SCNN1D: variants seen among roughly 807,000 people sequenced by gnomAD.
SCNN1D encodes the protein sodium channel epithelial 1 subunit delta.
Under a neutral mutation model 87.8 loss-of-function variants are expected in SCNN1D, and 104 were observed. The observed-to-expected ratio is 1.18, with a 90% CI of 1.01 to 1.39. SCNN1D has a LOEUF of 1.39. SCNN1D is among the 40% of genes most tolerant of loss of function. SCNN1D has a pLI of 0.00. For missense variants in SCNN1D, 1,324 were observed against 1,093.9 expected (o/e 1.21, Z -2.97); for synonymous variants, 628 against 481.2 (o/e 1.31, Z -3.99).
At chr1:1,288,097 G>C in intron 12 of SCNN1D, 60 bp downstream of exon 12, 1 of 1,203,258 alleles carries the variant, frequency 8.3e-7, no homozygotes, top group South Asian at 1.5e-5. Flanking sequence ...CAGGGGGTGT[G>C]GGCGGGTGGA....
rs1640816045 is a variant in SCNN1D, at chr1:1,291,480, G to A, written c.2279G>A (p.Gly760Asp). The change falls in exon 18 of 18, where the codon GGC becomes GAC. Residue 760 changes from glycine (G) to aspartate (D), a missense_variant. By Grantham distance (94) the Gly-to-Asp change is moderately conservative (BLOSUM62 -1). Coordinates refer to ENST00000379116, the MANE Select transcript of SCNN1D (RefSeq NM_001130413.4). ...PEASQMPPPA[G>D]GTSDDPEPSG... Reference sequence around the variant, plus strand: ...GCCAGTCAGATGCCCCCGCCTGCAGGCGGCACGTCAGATGACCCGGAGCCC... The same window carrying A: ...GCCAGTCAGATGCCCCCGCCTGCAGACGGCACGTCAGATGACCCGGAGCCC... 6.2e-7 allele frequency: 1 copy of A among 1,609,228 alleles called. No individual in the cohort carries two copies. Among genetic ancestry groups the A allele is most frequent in the African/African-American group, 1.3e-5 (1 of 74,992 alleles).
rs1570602264 is a variant in SCNN1D, at chr1:1,284,092, T to G, written c.464+2T>G. ...ACACGGGGGGGCTCTCACCTCCAGG[T>G]ACCGTGGGGGGGGGTGAGGGGGGTG... On this transcript the variant is annotated splice_donor_variant, in intron 5 of 17. Transcript: ENST00000379116. LOFTEE classifies it high-confidence loss of function. The G allele has an allele frequency of 3.0e-6, 1 of 328,370 alleles. No homozygotes were observed. The highest frequency in any genetic ancestry group is 1.6e-4 in the African/African-American group (1 of 6,218). 20.3% of individuals were successfully genotyped at this position (328,370 alleles called of 1,614,324 possible).
intron 3 of SCNN1D, 180 bp downstream of exon 3, chr1:1,281,790 C>T (rs1640476317): frequency 1.6e-6 from 1 of 620,510 alleles, no homozygotes; most frequent in South Asian, 2.0e-5. Context: ...GGGGGCCTTG[C>T]TCCTGCAAGC....
At chr1:1,281,087 T>C in intron 1 of SCNN1D, 139 bp from the exon 2 acceptor site, 1 of 806,476 alleles carries the variant, frequency 1.2e-6, no homozygotes, top group East Asian at 2.7e-5. Context: ...GGGCTGCCTG[T>C]CTATTGCACC....
At position 1,291,443 on chromosome 1, in the gene SCNN1D, A is replaced by G; in HGVS notation, c.2242A>G (p.Ile748Val). ...RASPASGASS[I>V]KPEASQMPPP... Reference sequence around the variant, plus strand: ...CAGCCCTGCCTCAGGGGCGTCCAGCATCAAGCCAGAGGCCAGTCAGATGCC... The same window carrying G: ...CAGCCCTGCCTCAGGGGCGTCCAGCGTCAAGCCAGAGGCCAGTCAGATGCC... The change falls in exon 18 of 18, where the codon ATC becomes GTC. Residue 748 changes from isoleucine to valine, a missense_variant. Coordinates refer to ENST00000379116, the MANE Select transcript of SCNN1D (RefSeq NM_001130413.4). 1 of 1,608,032 alleles carries G rather than the reference A, an allele frequency of 6.2e-7. No homozygotes were observed. Among genetic ancestry groups the G allele is most frequent in the Non-Finnish European group, 8.5e-7 (1 of 1,177,532 alleles).
intron 12 of SCNN1D, among the ~76,000 whole-genome samples, chr1:1,288,515 G>A (rs1295307529): frequency 1.1e-5 from 1 of 88,490 alleles, no homozygotes; most frequent in Non-Finnish European, 2.0e-5. Context: ...GCCCCGTCCC[G>A]TGTCCCTGCT....
intron 5 of SCNN1D, among the ~76,000 whole-genome samples, chr1:1,284,607 G>C (rs1180191140): frequency 6.6e-6 from 1 of 151,648 alleles, no homozygotes; most frequent in African/African-American, 2.4e-5. Flanking sequence ...GACCACGGGG[G>C]GTGCCGAGCG....
At chr1:1,282,019 C>T in intron 3 of SCNN1D, 1 of 593,140 alleles carries the variant, frequency 1.7e-6, no homozygotes, top group Non-Finnish European at 3.1e-6. Flanking sequence ...AGGTGCGGCC[C>T]ACGCACAAAG....
At chr1:1,281,170 TGG>T (rs57961296) in intron 1 of SCNN1D, 54 bp from the exon 2 acceptor site, 132,859 of 1,497,192 alleles carry the variant, frequency 0.089, 20,340 homozygotes, top group East Asian at 0.62. Flanking sequence ...AACGGGGCTC[TGG>T]GATAGGAGGT....
chr1:1,288,460 C>T (rs1482167043), intron 12 of SCNN1D, among the ~76,000 whole-genome samples: 1 of 81,106 alleles, frequency 1.2e-5, no homozygotes. Flanking sequence ...CTCCGTCCCC[C>T]GTGTCTCTGC....
Position 1,287,834 on chromosome 1 carries a change from G to C in SCNN1D, c.1561G>C (p.Glu521Gln), listed in dbSNP as rs1211674470. The change falls in exon 11 of 18, where the codon GAG becomes CAG. Residue 521 changes from glutamate (E) to glutamine (Q), a missense_variant and splice_region_variant. Physicochemically the swap from Glu to Gln is conservative, Grantham distance 29. Transcript: ENST00000379116. ...PGTEATISIREDEVHRLGSPY... is the reference protein window; with the variant it reads ...PGTEATISIRQDEVHRLGSPY... ...GACGGAGGCCACCATCAGCATCCGAGAGGTGAGCTGGCCTCTGCAGCCAAC... is the reference window on the plus strand; with the variant it reads ...GACGGAGGCCACCATCAGCATCCGACAGGTGAGCTGGCCTCTGCAGCCAAC... 8 of 1,543,780 alleles carry C rather than the reference G, an allele frequency of 5.2e-6. No individual in the cohort carries two copies. In the African/African-American group the frequency reaches 8.2e-5, roughly 16 times the overall value.
In SCNN1D at chr1:1,287,513, TC is replaced by T; in HGVS notation, c.1318del (p.Arg440GlyfsTer125). On this transcript the variant is annotated frameshift_variant, in exon 10 of 18. Transcript: ENST00000379116. LOFTEE classifies it high-confidence loss of function. ...YDGLDCQARQFRTFHHPTYGS... is the reference protein window; with the variant it reads ...YDGLDCQARQXRTFHHPTYGS... ...AGCTTGGCTTCTCATTCCAGACAGT[TC>T]CGGACCTTCCACCACCCCACCTACG... 6.5e-7 allele frequency: 1 copy of T among 1,527,974 alleles called. No individual in the cohort carries two copies. Among genetic ancestry groups the T allele is most frequent in the Admixed American group, 2.0e-5 (1 of 48,782 alleles). 94.7% of individuals were successfully genotyped at this position (1,527,974 alleles called of 1,614,324 possible). A position where few individuals can be genotyped will look rare whatever the true frequency, so the allele number is the denominator to read the frequency against.
intron 4 of SCNN1D, among the ~76,000 whole-genome samples, chr1:1,283,457 G>A (rs905098494): frequency 6.6e-6 from 1 of 152,036 alleles, no homozygotes; most frequent in African/African-American, 2.4e-5. Context: ...CTAGCACTTC[G>A]GGAGGCTAAG....
At chr1:1,286,299 C>T (rs549716633) in intron 7 of SCNN1D, 21 bp downstream of exon 7, 24 of 1,531,550 alleles carry the variant, frequency 1.6e-5, no homozygotes, top group East Asian at 4.7e-5. Flanking sequence ...GGGCTGTCGG[C>T]GGGAGGGGTG....
At position 1,290,392 on chromosome 1, in the gene SCNN1D, A is replaced by G. The variant is rs1352304628; in HGVS notation, c.1780+4A>G. The G allele has an allele frequency of 1.2e-6, 2 of 1,603,996 alleles. No homozygotes were observed. Among genetic ancestry groups the G allele is most frequent in the East Asian group, 2.2e-5 (1 of 44,704 alleles). On this transcript the variant is annotated splice_donor_region_variant and intron_variant, in intron 13 of 17. Coordinates refer to ENST00000379116, the MANE Select transcript of SCNN1D (RefSeq NM_001130413.4). Reference sequence around the variant, plus strand: ...TCTGCCCGGCACCCTGCCTGGGGTGAGTCCTGCTCGCTGCCTCCCACTCTG... The same window carrying G: ...TCTGCCCGGCACCCTGCCTGGGGTGGGTCCTGCTCGCTGCCTCCCACTCTG...
At chr1:1,288,279 GAGTCTC>G (rs1640666788) in intron 12 of SCNN1D, among the ~76,000 whole-genome samples, 2 of 92,380 alleles carry the variant, frequency 2.2e-5, no homozygotes, top group Non-Finnish European at 3.7e-5. Context: ...TCCGTCCCCC[GAGTCTC>G]TGCTCCGTCC....
intron 9 of SCNN1D, 26 bp downstream of exon 9, chr1:1,287,325 C>A (rs758169843): frequency 1.4e-5 from 22 of 1,543,780 alleles, no homozygotes; most frequent in Admixed American, 5.7e-5. Context: ...GGGGGCCACT[C>A]CTTCCGTCCC....
At position 1,284,078 on chromosome 1, in the gene SCNN1D, C is replaced by G; in HGVS notation, c.452C>G (p.Ala151Gly). Residue 151 changes from alanine to glycine, a missense_variant, in exon 5 of 18, where the codon GCT becomes GGT. Physicochemically the swap from Ala to Gly is moderately conservative, Grantham distance 60. Transcript: ENST00000379116. The stretch of plus-strand genomic sequence containing the variant: ...GAATGGAAGCAGCCACACGGGGGGG[C>G]TCTCACCTCCAGGTACCGTGGGGGG... ...TGEWKQPHGG[A>G]LTSRSPGPVA... 3.8e-6 allele frequency: 4 copies of G among 1,049,654 alleles called. No homozygotes were observed. The highest frequency in any genetic ancestry group is 5.0e-5 in the East Asian group (1 of 19,960). 65.0% of individuals were successfully genotyped at this position (1,049,654 alleles called of 1,614,324 possible). A position where few individuals can be genotyped will look rare whatever the true frequency, so the allele number is the denominator to read the frequency against.
In SCNN1D at chr1:1,291,573, G is replaced by C. The variant is rs1352960525; in HGVS notation, c.2372G>C (p.Trp791Ser). 2 of 1,572,098 alleles carry C rather than the reference G, an allele frequency of 1.3e-6. No homozygotes were observed. The highest frequency in any genetic ancestry group is 1.4e-5 in the African/African-American group (1 of 73,466). ...VLAGVSAEES[W>S]AGPQPLETLD... ...GCGGGAGTCTCAGCCGAAGAGAGCTGGGCTGGGCCCCAGCCCCTTGAGACT... is the reference window on the plus strand; with the variant it reads ...GCGGGAGTCTCAGCCGAAGAGAGCTCGGCTGGGCCCCAGCCCCTTGAGACT... The change falls in exon 18 of 18, where the codon TGG (tryptophan) becomes TCG (serine). Residue 791 changes from tryptophan to serine, a missense_variant. Transcript: ENST00000379116.
Sources: allele counts gnomAD v4.1 joint callset (sites outside exome capture counted in the v4.1 genomes callset), GRCh38; gene constraint gnomAD v4.1.1; transcripts MANE v1.5; gene names NCBI Gene and HGNC (gene_info 2026-07-23, HGNC 2026-07-21).